NOL4L: variants seen among roughly 807,000 people sequenced by gnomAD.
The protein encoded by NOL4L is nucleolar protein 4 like, also known as nucleolar protein 4-like.
In NOL4L, 7 loss-of-function variants were observed where a neutral mutation model predicts 64.5. That is an observed-to-expected ratio of 0.11 (90% confidence interval 0.06 to 0.20). The LOEUF (loss-of-function observed/expected upper bound fraction) is 0.20, where lower values mean the gene tolerates loss of function less well. Among genes scored for constraint, NOL4L ranks in the 10% least tolerant of loss-of-function variants. The pLI is 1.00. For synonymous variants in NOL4L, 413 were observed against 401.0 expected, an observed-to-expected ratio of 1.03 and a Z score of -0.36; for missense variants, 680 against 967.1, an observed-to-expected ratio of 0.70 and a Z score of 3.94.
chr20:32,488,803 CTTTTTCTTTCTTTCTTTCTTTCTTTTT>C (rs1600738552), intron 4 of NOL4L, among the ~76,000 whole-genome samples: 832 of 58,060 alleles, frequency 0.014, 32 homozygotes, highest in Middle Eastern at 0.018. Flanking sequence ...TTCTTTCTTT[CTTTTTCTTTCTTTCTTTCTTTCTTTTT>C]CTTTCTTTCT....
At chr20:32,523,406 T>G (rs1167803854) in intron 2 of NOL4L, among the ~76,000 whole-genome samples, 1 of 152,142 alleles carries the variant, frequency 6.6e-6, no homozygotes, top group Non-Finnish European at 1.5e-5. Flanking sequence ...ACCCTCCCCC[T>G]GCAACCTTCA....
intron 4 of NOL4L, among the ~76,000 whole-genome samples, chr20:32,491,055 C>T (rs1218626587): frequency 6.6e-6 from 1 of 152,210 alleles, no homozygotes; most frequent in African/African-American, 2.4e-5. Flanking sequence ...TGTACAGAGC[C>T]ACTACCACAC....
chr20:32,562,639 T>G (rs1253299918), intron 1 of NOL4L, among the ~76,000 whole-genome samples: 1 of 151,934 alleles, frequency 6.6e-6, no homozygotes, highest in Non-Finnish European at 1.5e-5. Flanking sequence ...CTGGGAGATC[T>G]CCTCCCCGGA....
intron 1 of NOL4L, among the ~76,000 whole-genome samples, chr20:32,581,145 T>C (rs1980447332): frequency 6.6e-6 from 1 of 152,122 alleles, no homozygotes; most frequent in Non-Finnish European, 1.5e-5. Context: ...TAGCTGCCCG[T>C]GGAGGACTCC....
At chr20:32,475,753 A>T (rs1052431804) in intron 4 of NOL4L, among the ~76,000 whole-genome samples, 19 of 151,616 alleles carry the variant, frequency 1.3e-4, no homozygotes, top group African/African-American at 4.6e-4. Context: ...CTGACAGAGC[A>T]CCCCCCAAGC....
chr20:32,529,727 C>T (rs2018274358), intron 1 of NOL4L, among the ~76,000 whole-genome samples: 1 of 152,198 alleles, frequency 6.6e-6, no homozygotes, highest in Non-Finnish European at 1.5e-5. Context: ...CTCACTGGCC[C>T]CAACAAGGCC....
At position 32,460,643 on chromosome 20, in the gene NOL4L, C is replaced by T. The variant is rs902746532; in HGVS notation, c.842-4248G>A. On this transcript the variant is annotated intron_variant, in intron 5 of 10. Transcript: ENST00000621426. This position sits in a 1 kb window ranked among gnomAD's most constrained non-coding sequence, Gnocchi z 5.7. ...CTCAAAAGGAAACCCCAATTCCCTG[C>T]ACCCCACATTTTCTCACATCATAAC... Among the ~76,000 whole-genome samples the T allele has an allele frequency of 6.6e-6, 1 of 152,212 alleles. No individual in the cohort carries two copies. Among genetic ancestry groups the T allele is most frequent in the East Asian group, 1.9e-4 (1 of 5,200 alleles).
chr20:32,464,831 T>G lies in NOL4L; in HGVS notation c.842-8436A>C. The G allele has an allele frequency of 2.4e-6, 1 of 412,492 alleles. No individual in the cohort carries two copies. The highest frequency in any genetic ancestry group is 4.4e-6 in the Non-Finnish European group (1 of 229,062). 25.6% of individuals were successfully genotyped at this position (412,492 alleles called of 1,614,324 possible). ...ACCCAATATATCCAAAATAGTACCA[T>G]TTCAACAAATAATTGATACCGTGTT... On this transcript the variant is annotated intron_variant, in intron 5 of 10. Transcript: ENST00000621426. This position sits in a 1 kb window ranked among gnomAD's most constrained non-coding sequence, Gnocchi z 5.6.
chr20:32,517,500 C>G (rs1042947525), intron 3 of NOL4L, among the ~76,000 whole-genome samples: 1 of 152,218 alleles, frequency 6.6e-6, no homozygotes, highest in Admixed American at 6.5e-5. Flanking sequence ...AACCTGGGGA[C>G]GGTCCAGGAG....
chr20:32,570,305 G>A (rs934643159), intron 1 of NOL4L, among the ~76,000 whole-genome samples: 5 of 152,162 alleles, frequency 3.3e-5, no homozygotes, highest in Admixed American at 3.3e-4. Context: ...GGTCCCTGAT[G>A]AACAACCCCA....
At chr20:32,540,755 C>T (rs368301567) in intron 1 of NOL4L, among the ~76,000 whole-genome samples, 147 of 152,194 alleles carry the variant, frequency 9.7e-4, no homozygotes, top group Non-Finnish European at 1.7e-3. Context: ...GCCCTCGGTC[C>T]GTGTTTGGCC....
chr20:32,551,422 T>C (rs1437205026), intron 1 of NOL4L, among the ~76,000 whole-genome samples: 1 of 152,146 alleles, frequency 6.6e-6, no homozygotes, highest in East Asian at 1.9e-4. Context: ...ATCGTGAGCA[T>C]CATCCTCATC....
At chr20:32,448,965 G>A (rs968952395) in intron 10 of NOL4L, among the ~76,000 whole-genome samples, 1 of 152,234 alleles carries the variant, frequency 6.6e-6, no homozygotes, top group Non-Finnish European at 1.5e-5. Flanking sequence ...GAAACACTCA[G>A]CACAGGCTGA....
chr20:32,576,422 G>A (rs1322842029), intron 1 of NOL4L, among the ~76,000 whole-genome samples: 1 of 152,176 alleles, frequency 6.6e-6, no homozygotes, highest in Non-Finnish European at 1.5e-5. Flanking sequence ...GGTCGGAAGT[G>A]ACTCTCAGGT....
intron 4 of NOL4L, chr20:32,483,318 C>A: frequency 1.0e-6 from 1 of 970,200 alleles, no homozygotes; most frequent in Non-Finnish European, 1.2e-6. Context: ...CGGCCCGGGC[C>A]CCGGAAACGG....
chr20:32,475,223 T>C (rs922873286), intron 4 of NOL4L: 5 of 985,444 alleles, frequency 5.1e-6, no homozygotes, highest in Non-Finnish European at 6.0e-6. Flanking sequence ...CCATGAAGCA[T>C]GCATGGAATT....
intron 5 of NOL4L, among the ~76,000 whole-genome samples, chr20:32,459,246 C>CTT (rs371056802): frequency 2.9e-5 from 4 of 140,196 alleles, no homozygotes; most frequent in Admixed American, 7.2e-5. Flanking sequence ...ACATGGTTTA[C>CTT]TTTTTTTTTT....
intron 4 of NOL4L, among the ~76,000 whole-genome samples, chr20:32,496,771 C>T (rs1029546086): frequency 4.8e-4 from 73 of 151,938 alleles, no homozygotes; most frequent in Non-Finnish European, 7.1e-4. Flanking sequence ...GGGCTGGTCT[C>T]GAACTGACCT....
intron 1 of NOL4L, chr20:32,535,841 T>A (rs2018503975): frequency 1.0e-6 from 1 of 985,366 alleles, no homozygotes; most frequent in Non-Finnish European, 1.2e-6. Flanking sequence ...GAAATGCAGA[T>A]CCGAATGACA....
Sources: gnomAD v4.1 joint callset for allele counts (sites outside exome capture counted in the v4.1 genomes callset) on GRCh38, gnomAD v4.1.1 for gene constraint, Gnocchi (gnomAD v3.1) non-coding constraint, MANE v1.5 for transcripts, NCBI Gene and HGNC (gene_info 2026-07-23, HGNC 2026-07-21) for gene names.